CDH23: variants seen among roughly 807,000 people sequenced by gnomAD.
The protein encoded by CDH23 is cadherin-23.
In CDH23, 189 loss-of-function variants were observed where a neutral mutation model predicts 317.1. The observed-to-expected ratio is 0.60, with a 90% CI of 0.53 to 0.67. CDH23 has a LOEUF of 0.67. Among genes scored for constraint, CDH23 ranks in the 30% least tolerant of loss-of-function variants. The pLI is 0.00. For synonymous variants in CDH23, 1,839 were observed against 1,876.8 expected (o/e 0.98, Z 0.52); for missense variants, 4,401 against 4,592.4 (o/e 0.96, Z 1.20).
intron 3 of CDH23, among the ~76,000 whole-genome samples, chr10:71,456,895 C>T (rs914200815): frequency 2.6e-5 from 4 of 152,214 alleles, no homozygotes; most frequent in Non-Finnish European, 5.9e-5. Context: ...CTGAACCTAT[C>T]GCCCTCTGGC....
chr10:71,686,739 C>T (rs1406699696), intron 18 of CDH23, among the ~76,000 whole-genome samples: 2 of 152,160 alleles, frequency 1.3e-5, no homozygotes, highest in Admixed American at 1.3e-4. Context: ...GAGCTCTGCA[C>T]TGGACTCTTG....
intron 30 of CDH23, among the ~76,000 whole-genome samples, chr10:71,728,920 T>C (rs1248554776): frequency 3.3e-5 from 5 of 151,996 alleles, no homozygotes; most frequent in Admixed American, 6.6e-5. Flanking sequence ...GGTCTCAAAC[T>C]CCTGGGCTCA....
At chr10:71,431,329 T>C (rs2131981651) in intron 1 of CDH23, among the ~76,000 whole-genome samples, 1 of 152,254 alleles carries the variant, frequency 6.6e-6, no homozygotes, top group East Asian at 1.9e-4. Context: ...AGGCACCACT[T>C]CATGGAAGCT....
At chr10:71,800,522 C>A in intron 52 of CDH23, 114 bp from the exon 53 acceptor site, 1 of 1,255,672 alleles carries the variant, frequency 8.0e-7, no homozygotes, top group South Asian at 1.4e-5. Context: ...AGGTTATTGT[C>A]TCTTTTGTTC....
At chr10:71,450,287 A>C in intron 3 of CDH23, among the ~76,000 whole-genome samples, 1 of 128,732 alleles carries the variant, frequency 7.8e-6, no homozygotes, top group South Asian at 2.4e-4. Flanking sequence ...TTTTTTTGAG[A>C]CGGAGTCTCA....
rs566969348 is a variant in CDH23, at chr10:71,563,803, C to A, written c.430-2939C>A. Among the ~76,000 whole-genome samples, 7 of 148,936 alleles carry A rather than the reference C, an allele frequency of 4.7e-5. No homozygotes were observed. The East Asian group carries it at 1.4e-3, about 29-fold the overall frequency. ...TTGCTCTGTCACCCAGGCTGGAGTG[C>A]AGTGGCATGATCTTGGCTCACTGCT... On this transcript the variant is annotated intron_variant, in intron 6 of 69. Transcript: ENST00000224721.
chr10:71,755,207 C>T (rs1840101507), intron 38 of CDH23: 1 of 797,330 alleles, frequency 1.3e-6, no homozygotes, highest in Admixed American at 2.2e-5. Flanking sequence ...GCCATTTCGC[C>T]CAGCTCCTGG....
intron 40 of CDH23, among the ~76,000 whole-genome samples, chr10:71,778,920 G>A (rs574436203): frequency 6.0e-4 from 91 of 152,244 alleles, no homozygotes; most frequent in Non-Finnish European, 1.1e-3. Context: ...ACCATGCCCA[G>A]CTAATGTATT....
intron 11 of CDH23, chr10:71,635,354 C>T (rs1304417760): frequency 6.6e-6 from 1 of 152,606 alleles, no homozygotes; most frequent in African/African-American, 2.4e-5. Context: ...TACACACATC[C>T]GCGGTGAAAA....
intron 55 of CDH23, 103 bp from the exon 56 acceptor site, chr10:71,805,703 G>A (rs929794053): frequency 2.5e-6 from 3 of 1,213,912 alleles, no homozygotes; most frequent in African/African-American, 1.5e-5. Context: ...AAGCTGTTGA[G>A]GACATTCTGC....
intron 1 of CDH23, among the ~76,000 whole-genome samples, chr10:71,398,299 G>A (rs142086777): frequency 0.011 from 1,716 of 152,334 alleles, 20 homozygotes; most frequent in Middle Eastern, 0.017. Context: ...TCAGAAAGCA[G>A]AGCCTTCTTT....
At chr10:71,653,492 C>T (rs1023150852) in intron 14 of CDH23, among the ~76,000 whole-genome samples, 1 of 152,242 alleles carries the variant, frequency 6.6e-6, no homozygotes, top group African/African-American at 2.4e-5. Flanking sequence ...TGCTGGAAAC[C>T]TAATAGCCCA....
intron 24 of CDH23, 53 bp downstream of exon 24, chr10:71,702,747 T>G: frequency 6.2e-7 from 1 of 1,606,754 alleles, no homozygotes; most frequent in Non-Finnish European, 8.5e-7. Flanking sequence ...AGTGGGTGCC[T>G]GAGGAGCCTA....
intron 57 of CDH23, among the ~76,000 whole-genome samples, chr10:71,806,669 C>CG (rs1841737106): frequency 6.6e-6 from 1 of 151,874 alleles, no homozygotes; most frequent in African/African-American, 2.4e-5. Flanking sequence ...AACCTCCACC[C>CG]GGGTTCAAGT....
At chr10:71,515,360 TC>T (rs1854233957) in intron 6 of CDH23, among the ~76,000 whole-genome samples, 2 of 64,738 alleles carry the variant, frequency 3.1e-5, no homozygotes, top group South Asian at 1.3e-3. Flanking sequence ...TGTCTGTTTC[TC>T]TCTCTCTCTC....
At chr10:71,775,042 G>C (rs915355260) in intron 38 of CDH23, among the ~76,000 whole-genome samples, 5 of 152,216 alleles carry the variant, frequency 3.3e-5, no homozygotes, top group Non-Finnish European at 7.4e-5. Flanking sequence ...CCCAGGATGG[G>C]AGCCCCAGAG....
chr10:71,725,906 T>A (rs1382869579), intron 30 of CDH23, among the ~76,000 whole-genome samples: 1 of 152,098 alleles, frequency 6.6e-6, no homozygotes, highest in African/African-American at 2.4e-5. Flanking sequence ...CACAGAGAAG[T>A]TGCTAGTGAT....
chr10:71,777,981 G>A lies in CDH23; in HGVS notation c.5067+80G>A, dbSNP rs184909524. 4.8e-4 allele frequency: 735 copies of A among 1,522,490 alleles called. 2 individuals are homozygous for A. The highest frequency in any genetic ancestry group is 6.8e-4 in the Middle Eastern group (4 of 5,912). The allele number at this position is 1,522,490 out of a possible 1,614,324, so 94.3% of individuals were successfully genotyped here. On this transcript the variant is annotated intron_variant, in intron 39 of 69. Transcript: ENST00000224721. ...CAAGGAGTTCAGTGACACTGGAGGG[G>A]GATGGAGCAAAGATGCAGTCTAGGG...
chr10:71,416,113 C>T (rs977565507), intron 1 of CDH23, among the ~76,000 whole-genome samples: 1 of 152,208 alleles, frequency 6.6e-6, no homozygotes, highest in African/African-American at 2.4e-5. Flanking sequence ...CAACCTCCAC[C>T]TCCCAGGTTC....
Sources: gnomAD v4.1 joint callset for allele counts (sites outside exome capture counted in the v4.1 genomes callset) on GRCh38, gnomAD v4.1.1 for gene constraint, MANE v1.5 for transcripts, NCBI Gene and HGNC (gene_info 2026-07-23, HGNC 2026-07-21) for gene names.